Variants in CEP63 observed in about 807,000 individuals in gnomAD.
The protein encoded by CEP63 is centrosomal protein 63, also known as centrosomal protein of 63 kDa.
A neutral mutation model predicts 89.1 loss-of-function variants in CEP63; 84 were observed. The observed-to-expected ratio is 0.94, with a 90% confidence interval of 0.79 to 1.13. CEP63 has a LOEUF of 1.13. CEP63 is among the 50% of genes most tolerant of loss of function. The probability of loss-of-function intolerance (pLI) is 0.00; values close to 1 mark genes in which losing one functional copy is unlikely to be tolerated. For synonymous variants in CEP63, 267 were observed against 272.5 expected (o/e 0.98, Z 0.20); for missense variants, 838 against 813.3 (o/e 1.03, Z -0.37).
chr3:134,715,068 C>T, the CEP63 span, among the ~76,000 whole-genome samples: 9 of 152,206 alleles, frequency 5.9e-5, 1 homozygote, highest in African/African-American at 2.2e-4. Context: ...AAGCCCTCCA[C>T]ATCTTTGTTG....
the CEP63 span, among the ~76,000 whole-genome samples, chr3:134,706,865 T>C: frequency 6.6e-6 from 1 of 152,198 alleles, no homozygotes; most frequent in Non-Finnish European, 1.5e-5. Flanking sequence ...ATTCTCTACC[T>C]GTCTCTTCAC....
the CEP63 span, among the ~76,000 whole-genome samples, chr3:134,726,173 A>G: frequency 6.6e-6 from 1 of 152,168 alleles, no homozygotes; most frequent in East Asian, 1.9e-4. Context: ...TCTTCTTTAA[A>G]CACGTTCCAT....
chr3:134,674,208 A>G, the CEP63 span, among the ~76,000 whole-genome samples: 3 of 152,176 alleles, frequency 2.0e-5, no homozygotes, highest in African/African-American at 7.2e-5. Context: ...ATATAGGCAA[A>G]CCAAATCTGG....
chr3:134,591,064 G>A (rs1349373404), downstream of CEP63, among the ~76,000 whole-genome samples: 1 of 152,208 alleles, frequency 6.6e-6, no homozygotes, highest in African/African-American at 2.4e-5. Flanking sequence ...CCACCAGAGA[G>A]ATGGCTCATG....
At chr3:134,652,775 G>T in the CEP63 span, among the ~76,000 whole-genome samples, 3 of 152,114 alleles carry the variant, frequency 2.0e-5, no homozygotes, top group African/African-American at 7.2e-5. Flanking sequence ...CAGATCTCAG[G>T]TCCCAGAGTC....
At chr3:134,587,463 G>C (rs988715492) in exon 11 of CEP63, among the ~76,000 whole-genome samples, 1 of 152,178 alleles carries the variant, frequency 6.6e-6, no homozygotes, top group Non-Finnish European at 1.5e-5. Context: ...CTCAGCTGCA[G>C]GTCTGTTGGA....
the CEP63 span, among the ~76,000 whole-genome samples, chr3:134,756,596 TG>T: frequency 6.6e-6 from 1 of 152,172 alleles, no homozygotes; most frequent in Non-Finnish European, 1.5e-5. Context: ...TCAAGTGATC[TG>T]CCCACCTTGG....
At chr3:134,675,392 G>T in the CEP63 span, among the ~76,000 whole-genome samples, 2 of 152,158 alleles carry the variant, frequency 1.3e-5, no homozygotes, top group Non-Finnish European at 2.9e-5. Context: ...GAAAATGTAT[G>T]ATAGACTTAA....
At chr3:134,736,167 A>G in the CEP63 span, among the ~76,000 whole-genome samples, 1 of 152,318 alleles carries the variant, frequency 6.6e-6, no homozygotes, top group African/African-American at 2.4e-5. Context: ...ACATATAATC[A>G]TCATGCGTAT....
At chr3:134,610,516 A>G in the CEP63 span, 1 of 742,456 alleles carries the variant, frequency 1.3e-6, no homozygotes, top group Non-Finnish European at 2.2e-6. Context: ...TGCTTCTTGT[A>G]CTCACATATA....
At chr3:134,680,962 T>C in the CEP63 span, among the ~76,000 whole-genome samples, 1 of 152,236 alleles carries the variant, frequency 6.6e-6, no homozygotes, top group Non-Finnish European at 1.5e-5. Context: ...CCAGAGGAGC[T>C]TTGCAGGACA....
intron 3 of CEP63, among the ~76,000 whole-genome samples, chr3:134,519,372 G>T (rs527504301): frequency 2.6e-5 from 4 of 151,744 alleles, no homozygotes; most frequent in Non-Finnish European, 5.9e-5. Context: ...GACCTCAGGT[G>T]ATCTGCCCGC....
At chr3:134,693,120 C>T in the CEP63 span, among the ~76,000 whole-genome samples, 6 of 152,264 alleles carry the variant, frequency 3.9e-5, no homozygotes, top group South Asian at 2.1e-4. Flanking sequence ...TGTTTCCAAG[C>T]GTCCCTTGTA....
At chr3:134,643,391 G>C in the CEP63 span, 220 of 1,612,640 alleles carry the variant, frequency 1.4e-4, no homozygotes, top group Middle Eastern at 1.6e-3. Context: ...ATTTAAGGAA[G>C]ACAGAGAGGC....
the CEP63 span, among the ~76,000 whole-genome samples, chr3:134,708,268 A>T: frequency 6.6e-6 from 1 of 152,240 alleles, no homozygotes; most frequent in Non-Finnish European, 1.5e-5. Flanking sequence ...ATCTTTTATC[A>T]GAGATTAATT....
At chr3:134,683,982 T>G in the CEP63 span, among the ~76,000 whole-genome samples, 2 of 152,070 alleles carry the variant, frequency 1.3e-5, no homozygotes, top group East Asian at 3.9e-4. Flanking sequence ...TCAGGCCCAC[T>G]GTAAATCATA....
chr3:134,498,431 C>T (rs1171797988), intron 2 of CEP63, among the ~76,000 whole-genome samples: 1 of 151,888 alleles, frequency 6.6e-6, no homozygotes, highest in African/African-American at 2.4e-5. Flanking sequence ...TACTGAATTT[C>T]TTTATCAGTT....
At chr3:134,627,985 G>A in the CEP63 span, 10 of 621,416 alleles carry the variant, frequency 1.6e-5, no homozygotes, top group East Asian at 1.6e-4. Context: ...TGCTTGAATT[G>A]CCAGGAACTT....
In CEP63 at chr3:134,524,247, C is replaced by G. The variant is rs143580361; in HGVS notation, c.223-7598C>G. ...TGTACATTGATTTTATATCCTGAGA[C>G]TTTGCTGAAGTTGTTTATCAGCTTA... is the stretch of plus-strand genomic sequence containing the variant. On this transcript the variant is annotated intron_variant, in intron 3 of 14. Coordinates refer to ENST00000675561, the MANE Select transcript of CEP63 (RefSeq NM_001353108.3). Among the ~76,000 whole-genome samples the G allele has an allele frequency of 8.7e-3, 1,324 of 152,234 alleles. 48 individuals carry two copies. The highest frequency in any genetic ancestry group is 0.062 in the Admixed American group (947 of 15,284).
Sources: allele counts gnomAD v4.1 joint callset (sites outside exome capture counted in the v4.1 genomes callset), GRCh38; gene constraint gnomAD v4.1.1; transcripts MANE v1.5; gene names NCBI Gene and HGNC (gene_info 2026-07-23, HGNC 2026-07-21).